Variants in ADGRL3 observed in about 807,000 individuals in gnomAD.
ADGRL3 encodes calcium-independent alpha-latrotoxin receptor 3.
In ADGRL3, 62 loss-of-function variants were observed where a neutral mutation model predicts 153.5. That is an observed-to-expected ratio of 0.40 (90% CI 0.33 to 0.50). The LOEUF (loss-of-function observed/expected upper bound fraction) is 0.50. Among genes scored for constraint, ADGRL3 ranks in the 20% least tolerant of loss-of-function variants. The pLI is 0.47. For synonymous variants in ADGRL3, 710 were observed against 672.5 expected (o/e 1.06, Z -0.86); for missense variants, 1,641 against 1,859.4 (o/e 0.88, Z 2.16).
chr4:61,757,495 A>G (rs1010321713), intron 8 of ADGRL3, among the ~76,000 whole-genome samples: 1 of 151,806 alleles, frequency 6.6e-6, no homozygotes, highest in Non-Finnish European at 1.5e-5. Flanking sequence ...TATTGCATCT[A>G]TTTTATTCGT....
At chr4:61,864,906 G>T (rs1451298952) in intron 9 of ADGRL3, among the ~76,000 whole-genome samples, 7 of 152,154 alleles carry the variant, frequency 4.6e-5, no homozygotes, top group African/African-American at 1.7e-4. Flanking sequence ...AGAATGTAAT[G>T]TTTCACTTAA....
At chr4:61,687,209 C>A (rs2095463026) in intron 6 of ADGRL3, among the ~76,000 whole-genome samples, 1 of 151,536 alleles carries the variant, frequency 6.6e-6, no homozygotes, top group Non-Finnish European at 1.5e-5. Context: ...CAATAAAGTT[C>A]CCCCAAAGAA....
chr4:61,776,693 TA>T (rs2097155491), intron 8 of ADGRL3, among the ~76,000 whole-genome samples: 1 of 152,114 alleles, frequency 6.6e-6, no homozygotes, highest in Non-Finnish European at 1.5e-5. Flanking sequence ...TGTAATAACA[TA>T]AAAGAACTAC....
chr4:61,378,628 G>A (rs1216638616), intron 1 of ADGRL3, among the ~76,000 whole-genome samples: 2 of 151,998 alleles, frequency 1.3e-5, no homozygotes, highest in Admixed American at 1.3e-4. Context: ...AGCAACCCAA[G>A]CTCGCTGTTA....
intron 4 of ADGRL3, among the ~76,000 whole-genome samples, chr4:61,526,348 G>C (rs746349492): frequency 1.3e-5 from 2 of 151,946 alleles, no homozygotes; most frequent in Non-Finnish European, 2.9e-5. Context: ...TTATGTGATA[G>C]AAATGAGGAA....
chr4:61,637,886 T>C (rs1306183586), intron 5 of ADGRL3, among the ~76,000 whole-genome samples: 1 of 152,160 alleles, frequency 6.6e-6, no homozygotes, highest in Non-Finnish European at 1.5e-5. Flanking sequence ...TGAGATGAAT[T>C]CAAATACCTG....
chr4:61,711,734 G>A (rs968189698), intron 6 of ADGRL3, among the ~76,000 whole-genome samples: 1 of 151,838 alleles, frequency 6.6e-6, no homozygotes, highest in Non-Finnish European at 1.5e-5. Context: ...TTACAGTTAA[G>A]TGTGTGACTT....
At chr4:61,213,924 T>C (rs185331212) in intron 1 of ADGRL3, among the ~76,000 whole-genome samples, 237 of 152,252 alleles carry the variant, frequency 1.6e-3, no homozygotes, top group Non-Finnish European at 2.3e-3. Flanking sequence ...CATTTGACTT[T>C]TTCTACTTGG....
intron 21 of ADGRL3, among the ~76,000 whole-genome samples, chr4:62,026,636 C>A (rs1718749716): frequency 6.6e-6 from 1 of 151,704 alleles, no homozygotes; most frequent in Non-Finnish European, 1.5e-5. Flanking sequence ...AGATAGAGAA[C>A]AAAACACAGG....
At chr4:61,929,989 C>T (rs1445773709) in intron 13 of ADGRL3, among the ~76,000 whole-genome samples, 1 of 152,058 alleles carries the variant, frequency 6.6e-6, no homozygotes, top group Non-Finnish European at 1.5e-5. Context: ...TCCTGGCTAA[C>T]ACGGTGAAAC....
chr4:61,878,065 G>T (rs2098486028), intron 9 of ADGRL3, among the ~76,000 whole-genome samples: 1 of 152,132 alleles, frequency 6.6e-6, no homozygotes, highest in Admixed American at 6.5e-5. Flanking sequence ...CTGTGAGTCA[G>T]TTTGACCAAT....
chr4:61,430,047 A>T (rs2097336766), intron 2 of ADGRL3, among the ~76,000 whole-genome samples: 1 of 152,154 alleles, frequency 6.6e-6, no homozygotes, highest in African/African-American at 2.4e-5. Flanking sequence ...TATCTTCTAA[A>T]ACATAGCAAA....
intron 8 of ADGRL3, among the ~76,000 whole-genome samples, chr4:61,741,919 T>C (rs76626325): frequency 0.087 from 13,193 of 152,256 alleles, 1,198 homozygotes; most frequent in African/African-American, 0.23. Flanking sequence ...ATCATTTATA[T>C]GTGTATTTCA....
Position 61,977,750 on chromosome 4 carries a change from C to T in ADGRL3, c.2806-1813C>T, listed in dbSNP as rs538896785. 3.9e-5 allele frequency among the ~76,000 whole-genome samples: 6 copies of T among 152,090 alleles called. No individual in the cohort carries two copies. The South Asian group carries it at 1.0e-3, about 26-fold the overall frequency. On this transcript the variant is annotated intron_variant, in intron 17 of 26. Coordinates refer to ENST00000683033, the MANE Select transcript of ADGRL3 (RefSeq NM_001387552.1). ...ATGAAGTTAAAAAAATGAAGAAAAC[C>T]TGGATATGTGTTTTTTAAATGTCTG...
chr4:61,289,446 A>G (rs541100187), intron 1 of ADGRL3, among the ~76,000 whole-genome samples: 221 of 152,152 alleles, frequency 1.5e-3, no homozygotes, highest in African/African-American at 5.2e-3. Context: ...ACATTAGAAG[A>G]CTATTAACAT....
chr4:61,853,784 G>T (rs183249983), intron 9 of ADGRL3, among the ~76,000 whole-genome samples: 2 of 152,124 alleles, frequency 1.3e-5, no homozygotes, highest in East Asian at 3.9e-4. Context: ...TACTTTCCAG[G>T]TTTCCCAGTC....
Position 61,501,838 on chromosome 4 carries a change from A to G in ADGRL3, c.55+4490A>G, listed in dbSNP as rs150038042. 4.9e-4 allele frequency among the ~76,000 whole-genome samples: 75 copies of G among 152,332 alleles called. 1 individual carries two copies. In the East Asian group the frequency reaches 0.013, roughly 27 times the overall value. On this transcript the variant is annotated intron_variant, in intron 3 of 26. Transcript: ENST00000683033. ...GTACATCAATATCACATAAATATGT[A>G]CAATTTTTTAAATTAGGAAATGTCC... is the stretch of plus-strand genomic sequence containing the variant.
intron 25 of ADGRL3, among the ~76,000 whole-genome samples, chr4:62,045,812 G>A (rs1418602674): frequency 1.3e-5 from 2 of 151,952 alleles, no homozygotes; most frequent in South Asian, 2.1e-4. Context: ...CTCCAAATAC[G>A]AAGAAAACGT....
intron 21 of ADGRL3, among the ~76,000 whole-genome samples, chr4:62,013,886 C>CA (rs951990466): frequency 2.2e-4 from 27 of 121,240 alleles, no homozygotes; most frequent in Middle Eastern, 4.6e-3. Flanking sequence ...GATTCTGTCT[C>CA]AAAAAAAAAA....
Sources: allele counts gnomAD v4.1 joint callset (sites outside exome capture counted in the v4.1 genomes callset), GRCh38; gene constraint gnomAD v4.1.1; transcripts MANE v1.5; gene names NCBI Gene and HGNC (gene_info 2026-07-23, HGNC 2026-07-21).